Variants in GAS2 observed in about 807,000 individuals in gnomAD.
GAS2 encodes growth arrest-specific protein 2.
In GAS2, 20 loss-of-function variants were observed where a neutral mutation model predicts 37.5. That is an observed-to-expected ratio of 0.53 (90% CI 0.37 to 0.77). GAS2 has a LOEUF of 0.77. Ranked by LOEUF, GAS2 falls within the 30% of genes least tolerant of loss-of-function variation. GAS2 has a pLI of 0.00. For missense variants in GAS2, 336 were observed against 373.4 expected (o/e 0.90, Z 0.82); for synonymous variants, 144 against 132.2 (o/e 1.09, Z -0.61).
intron 7 of GAS2, among the ~76,000 whole-genome samples, chr11:22,770,699 T>A (rs1854933838): frequency 6.6e-6 from 1 of 152,246 alleles, no homozygotes; most frequent in East Asian, 1.9e-4. Context: ...CAACGTAGCC[T>A]GTGATTCTCA....
chr11:22,800,612 C>T (rs1478626321), intron 7 of GAS2, among the ~76,000 whole-genome samples: 1 of 152,000 alleles, frequency 6.6e-6, no homozygotes, highest in East Asian at 1.9e-4. Context: ...ACAGATACTC[C>T]TGCTGCCCTC....
intron 7 of GAS2, among the ~76,000 whole-genome samples, chr11:22,767,438 A>T (rs1202201071): frequency 1.3e-5 from 2 of 152,172 alleles, no homozygotes; most frequent in East Asian, 3.8e-4. Context: ...TACAAAGCAA[A>T]CAATACATAG....
At chr11:22,760,395 CTG>C (rs761701104) in intron 7 of GAS2, among the ~76,000 whole-genome samples, 2 of 152,182 alleles carry the variant, frequency 1.3e-5, no homozygotes, top group Admixed American at 6.5e-5. Context: ...ATCAGAAACT[CTG>C]AGGGTAGGGC....
intron 1 of GAS2, among the ~76,000 whole-genome samples, chr11:22,661,350 C>G (rs1039621362): frequency 1.3e-5 from 2 of 151,640 alleles, no homozygotes; most frequent in African/African-American, 4.8e-5. Context: ...TATTTATTTA[C>G]TCAATTATTT....
intron 2 of GAS2, among the ~76,000 whole-genome samples, chr11:22,682,295 AT>A (rs151113234): frequency 0.37 from 55,856 of 151,802 alleles, 11,275 homozygotes; most frequent in African/African-American, 0.55. Flanking sequence ...AATGAAAGCC[AT>A]TTTTTTCTTT....
intron 7 of GAS2, among the ~76,000 whole-genome samples, chr11:22,795,497 G>A (rs1183528804): frequency 3.3e-5 from 5 of 152,112 alleles, no homozygotes; most frequent in African/African-American, 4.8e-5. Context: ...GCATGAAGGA[G>A]GTGAGGTGTT....
At chr11:22,644,049 C>T (rs1388961519) in intron 1 of GAS2, among the ~76,000 whole-genome samples, 1 of 151,778 alleles carries the variant, frequency 6.6e-6, no homozygotes. Flanking sequence ...AAATGGAAAG[C>T]AAAGAAAAAT....
At chr11:22,657,084 G>C (rs767434854) in intron 1 of GAS2, among the ~76,000 whole-genome samples, 1 of 152,174 alleles carries the variant, frequency 6.6e-6, no homozygotes, top group Non-Finnish European at 1.5e-5. Flanking sequence ...TTCTGGAAGT[G>C]TGAATAAGAT....
intron 3 of GAS2, among the ~76,000 whole-genome samples, chr11:22,722,885 A>G (rs1443772179): frequency 6.6e-6 from 1 of 151,920 alleles, no homozygotes; most frequent in African/African-American, 2.4e-5. Flanking sequence ...TAAATGCTGT[A>G]ATTCTTTGGA....
chr11:22,729,564 C>CT (rs1418760934), intron 4 of GAS2, among the ~76,000 whole-genome samples: 2 of 151,664 alleles, frequency 1.3e-5, no homozygotes, highest in Non-Finnish European at 2.9e-5. Context: ...AATGTCAGTT[C>CT]TTAGATCATG....
chr11:22,700,095 T>A (rs1850753093), intron 3 of GAS2, among the ~76,000 whole-genome samples: 2 of 152,168 alleles, frequency 1.3e-5, no homozygotes, highest in South Asian at 2.1e-4. Context: ...CCCCTCTTTC[T>A]TGTACCATAC....
At chr11:22,752,735 G>A (rs1853812770) in intron 6 of GAS2, among the ~76,000 whole-genome samples, 1 of 151,890 alleles carries the variant, frequency 6.6e-6, no homozygotes, top group Non-Finnish European at 1.5e-5. Flanking sequence ...AAAAGAAGCA[G>A]ATCTGTGTTA....
intron 7 of GAS2, among the ~76,000 whole-genome samples, chr11:22,792,686 G>A (rs1380385272): frequency 6.6e-6 from 1 of 152,200 alleles, no homozygotes; most frequent in East Asian, 1.9e-4. Flanking sequence ...CCTCCCTACG[G>A]AGACCTCTGG....
chr11:22,704,588 C>CATATATATATAT (rs3049395), intron 3 of GAS2, among the ~76,000 whole-genome samples: 2,578 of 90,226 alleles, frequency 0.029, 93 homozygotes, highest in African/African-American at 0.053. Flanking sequence ...TGAAAATAAA[C>CATATATATATAT]ATATATATAT....
At chr11:22,807,013 C>T (rs75507061) in intron 7 of GAS2, among the ~76,000 whole-genome samples, 2,869 of 152,156 alleles carry the variant, frequency 0.019, 90 homozygotes, top group African/African-American at 0.066. Flanking sequence ...GATGCTTACA[C>T]CCTTGTCAAA....
intron 7 of GAS2, among the ~76,000 whole-genome samples, chr11:22,785,285 C>A (rs1855768133): frequency 6.6e-6 from 1 of 152,156 alleles, no homozygotes; most frequent in Non-Finnish European, 1.5e-5. Flanking sequence ...GCCCTACCAC[C>A]TCCTCTTTTT....
chr11:22,764,664 A>G (rs1201471920), intron 7 of GAS2, among the ~76,000 whole-genome samples: 1 of 152,102 alleles, frequency 6.6e-6, no homozygotes, highest in Non-Finnish European at 1.5e-5. Context: ...ATACTTTTGC[A>G]CCAACCGAAT....
chr11:22,644,914 A>G (rs1848671863), intron 1 of GAS2, among the ~76,000 whole-genome samples: 4 of 152,220 alleles, frequency 2.6e-5, no homozygotes, highest in African/African-American at 9.6e-5. Flanking sequence ...ATGAGCCACC[A>G]CTACCGGCCG....
intron 1 of GAS2, among the ~76,000 whole-genome samples, chr11:22,672,391 T>C (rs942817371): frequency 6.6e-6 from 1 of 152,276 alleles, no homozygotes; most frequent in East Asian, 1.9e-4. Flanking sequence ...CTTCACTGTT[T>C]AGAGGTTTTG....
Sources: gnomAD v4.1 joint callset for allele counts (sites outside exome capture counted in the v4.1 genomes callset) on GRCh38, gnomAD v4.1.1 for gene constraint, MANE v1.5 for transcripts, NCBI Gene and HGNC (gene_info 2026-07-23, HGNC 2026-07-21) for gene names.